The following IGF2BP3 variants were observed in gnomAD, a reference collection of about 807,000 sequenced individuals.
IGF2BP3 encodes the protein insulin-like growth factor 2 mRNA-binding protein 3.
Under a neutral mutation model 73.8 loss-of-function variants are expected in IGF2BP3, and 9 were observed. The observed-to-expected ratio is 0.12, with a 90% confidence interval of 0.07 to 0.21. IGF2BP3 has a LOEUF of 0.21. IGF2BP3 is among the 10% of genes least tolerant of loss of function. IGF2BP3 has a pLI of 1.00. For missense variants in IGF2BP3, 542 were observed against 714.0 expected, an observed-to-expected ratio of 0.76 and a Z score of 2.75; for synonymous variants, 258 against 256.7, an observed-to-expected ratio of 1.01 and a Z score of -0.05.
chr7:23,322,924 C>T (rs4537204), intron 10 of IGF2BP3, among the ~76,000 whole-genome samples: 4,007 of 152,186 alleles, frequency 0.026, 164 homozygotes, highest in African/African-American at 0.086. Context: ...GAAGGAAGCG[C>T]TAAACATGGA....
chr7:23,319,052 T>G (rs1057201430), intron 11 of IGF2BP3, 86 bp downstream of exon 11: 4 of 884,160 alleles, frequency 4.5e-6, no homozygotes, highest in Non-Finnish European at 7.3e-6. Flanking sequence ...TCTTTTACAT[T>G]CTATTCAAAT....
chr7:23,362,209 C>G (rs756152202), intron 3 of IGF2BP3, among the ~76,000 whole-genome samples: 1 of 151,466 alleles, frequency 6.6e-6, no homozygotes, highest in Admixed American at 6.6e-5. Context: ...GCCAGGAGTT[C>G]GAGACCAGCC....
chr7:23,465,225 A>G (rs1265048409), intron 2 of IGF2BP3, among the ~76,000 whole-genome samples: 1 of 152,216 alleles, frequency 6.6e-6, no homozygotes, highest in African/African-American at 2.4e-5. Flanking sequence ...ACCTACCCTT[A>G]CTTCCAAGGT....
At position 23,453,684 on chromosome 7, in the gene IGF2BP3, T is replaced by G. The variant is rs141010148; in HGVS notation, c.236+14798A>C. On this transcript the variant is annotated intron_variant, in intron 2 of 14. Coordinates refer to ENST00000258729, the MANE Select transcript of IGF2BP3 (RefSeq NM_006547.3). ...TGCCAAATAGTGTGCCAAGAAGTCT[T>G]TGCCAATTTACTCTTTAGCTATATG... Among the ~76,000 whole-genome samples, 905 of 152,010 alleles carry G rather than the reference T, an allele frequency of 6.0e-3. 3 individuals are homozygous for G. Among genetic ancestry groups the G allele is most frequent in the Middle Eastern group, 0.02 (6 of 294 alleles).
At chr7:23,352,649 A>C in intron 5 of IGF2BP3, among the ~76,000 whole-genome samples, 1 of 152,044 alleles carries the variant, frequency 6.6e-6, no homozygotes, top group East Asian at 1.9e-4. Context: ...CTTGAGCATA[A>C]ATTTCAGTGA....
intron 10 of IGF2BP3, among the ~76,000 whole-genome samples, chr7:23,325,506 T>C (rs1784268871): frequency 6.6e-6 from 1 of 152,148 alleles, no homozygotes; most frequent in Admixed American, 6.6e-5. Flanking sequence ...CCCAAGGTAA[T>C]TTACAGATTC....
At chr7:23,321,265 G>C (rs183606614) in intron 10 of IGF2BP3, among the ~76,000 whole-genome samples, 2 of 149,812 alleles carry the variant, frequency 1.3e-5, no homozygotes, top group Non-Finnish European at 1.5e-5. Flanking sequence ...CTCGGGAAGC[G>C]CAAGGGGTCA....
chr7:23,429,456 CCA>C (rs1787612385), intron 2 of IGF2BP3, among the ~76,000 whole-genome samples: 2 of 152,110 alleles, frequency 1.3e-5, no homozygotes, highest in African/African-American at 4.8e-5. Flanking sequence ...AGCATTCTGG[CCA>C]CAGATTCTAT....
intron 2 of IGF2BP3, chr7:23,450,534 G>A (rs772328357): frequency 5.3e-5 from 8 of 152,026 alleles, no homozygotes; most frequent in South Asian, 2.1e-4. Context: ...CCCAATCCTC[G>A]TGGATAAAGA....
intron 3 of IGF2BP3, among the ~76,000 whole-genome samples, chr7:23,407,953 CGGGGGGCGGG>C (rs1340910121): frequency 1.2e-4 from 5 of 41,472 alleles, no homozygotes; most frequent in African/African-American, 6.9e-4. Context: ...GGGCAGGGGG[CGGGGGGCGGG>C]GGGGGGGGGA....
At chr7:23,313,418 C>T in intron 13 of IGF2BP3, 104 bp downstream of exon 13, 1 of 1,318,642 alleles carries the variant, frequency 7.6e-7, no homozygotes, top group South Asian at 1.4e-5. Flanking sequence ...TCAAGATGGT[C>T]CTGCTTTTTA....
chr7:23,339,719 AG>A (rs1484126429), intron 10 of IGF2BP3, among the ~76,000 whole-genome samples: 1 of 152,236 alleles, frequency 6.6e-6, no homozygotes, highest in Non-Finnish European at 1.5e-5. Flanking sequence ...AAGCTAATTT[AG>A]GGGAACCAGC....
chr7:23,335,900 G>T (rs1206628558), intron 10 of IGF2BP3, among the ~76,000 whole-genome samples: 1 of 152,172 alleles, frequency 6.6e-6, no homozygotes, highest in Non-Finnish European at 1.5e-5. Context: ...TAAACTCGAA[G>T]TTTGCCAGTT....
At chr7:23,454,931 A>G (rs1321818624) in intron 2 of IGF2BP3, among the ~76,000 whole-genome samples, 1 of 152,232 alleles carries the variant, frequency 6.6e-6, no homozygotes, top group Non-Finnish European at 1.5e-5. Context: ...CAACCTTATT[A>G]TAAGATTCCT....
intron 2 of IGF2BP3, among the ~76,000 whole-genome samples, chr7:23,423,428 T>TAA (rs1787407190): frequency 6.6e-6 from 1 of 152,256 alleles, no homozygotes; most frequent in African/African-American, 2.4e-5. Context: ...ATTCATATTT[T>TAA]AATAGAGTGT....
At chr7:23,358,606 C>G (rs1389340028) in intron 5 of IGF2BP3, among the ~76,000 whole-genome samples, 1 of 152,164 alleles carries the variant, frequency 6.6e-6, no homozygotes, top group Non-Finnish European at 1.5e-5. Flanking sequence ...AACCAAAGCT[C>G]AGAAGTCAAG....
chr7:23,322,459 A>G (rs1784183679), intron 10 of IGF2BP3, among the ~76,000 whole-genome samples: 1 of 152,214 alleles, frequency 6.6e-6, no homozygotes, highest in Non-Finnish European at 1.5e-5. Flanking sequence ...TGTACCTGAA[A>G]GTGACGGGGA....
chr7:23,468,667 G>C, intron 1 of IGF2BP3, 125 bp from the exon 2 acceptor site: 1 of 928,728 alleles, frequency 1.1e-6, no homozygotes, highest in Non-Finnish European at 1.7e-6. Context: ...CCGAGGCCCG[G>C]ACGCGGCTCC....
At chr7:23,320,666 A>AG (rs1227917422) in intron 10 of IGF2BP3, among the ~76,000 whole-genome samples, 1 of 149,556 alleles carries the variant, frequency 6.7e-6, no homozygotes, top group Non-Finnish European at 1.5e-5. Context: ...AAAAAAAAAA[A>AG]GCCAGGCACA....
Sources: gnomAD v4.1 joint callset for allele counts (sites outside exome capture counted in the v4.1 genomes callset) on GRCh38, gnomAD v4.1.1 for gene constraint, MANE v1.5 for transcripts, NCBI Gene and HGNC (gene_info 2026-07-23, HGNC 2026-07-21) for gene names.